Variants in IQSEC1 observed in about 807,000 individuals in gnomAD.
IQSEC1 encodes the protein IQ motif and Sec7 domain ArfGEF 1, also known as IQ motif and SEC7 domain-containing protein 1.
A neutral mutation model predicts 91.0 loss-of-function variants in IQSEC1; 31 were observed. That is an observed-to-expected ratio of 0.34 (90% CI 0.26 to 0.46). The LOEUF (loss-of-function observed/expected upper bound fraction) is 0.46, where lower values mean the gene tolerates loss of function less well. IQSEC1 is among the 20% of genes least tolerant of loss of function. IQSEC1 has a pLI of 1.00. For missense variants in IQSEC1, 1,388 were observed against 1,575.6 expected (o/e 0.88, Z 2.02); for synonymous variants, 699 against 662.6 (o/e 1.05, Z -0.84).
intron 1 of IQSEC1, among the ~76,000 whole-genome samples, chr3:12,943,546 G>T (rs906755748): frequency 2.6e-5 from 4 of 152,206 alleles, no homozygotes; most frequent in Non-Finnish European, 5.9e-5. Flanking sequence ...ACGGGCCGGG[G>T]TGGAGGTCCC....
At chr3:12,910,052 G>A (rs1695416839) in intron 10 of IQSEC1, among the ~76,000 whole-genome samples, 1 of 151,932 alleles carries the variant, frequency 6.6e-6, no homozygotes, top group Non-Finnish European at 1.5e-5. Flanking sequence ...GTGTGCATAT[G>A]TGTGCACATG....
chr3:13,244,045 C>A (rs1695067574), intron 1 of IQSEC1, among the ~76,000 whole-genome samples: 1 of 151,110 alleles, frequency 6.6e-6, no homozygotes, highest in Admixed American at 6.6e-5. Flanking sequence ...GCCAGGCCAC[C>A]ATTTCAGGCA....
rs975589692 is a variant in IQSEC1, at chr3:13,247,344, G to A, written c.272+35367C>T. Among the ~76,000 whole-genome samples the A allele has an allele frequency of 5.9e-5, 9 of 152,128 alleles. 1 individual carries two copies. The highest frequency in any genetic ancestry group is 1.7e-4 in the African/African-American group (7 of 41,410). On this transcript the variant is annotated intron_variant, in intron 1 of 15. Coordinates refer to the IQSEC1 transcript ENST00000648114. ...AACATGACAATCTGAAAGTCTGTCC[G>A]GCTGTCATTTCCTCCATTGCCCCCA...
intron 1 of IQSEC1, among the ~76,000 whole-genome samples, chr3:12,980,896 C>G (rs1393915724): frequency 2.0e-5 from 3 of 152,212 alleles, no homozygotes; most frequent in African/African-American, 7.2e-5. Flanking sequence ...CCATGGCTGT[C>G]TTAGCCGATC....
chr3:12,905,619 A>C (rs1272593044), intron 12 of IQSEC1, among the ~76,000 whole-genome samples: 1 of 152,228 alleles, frequency 6.6e-6, no homozygotes, highest in Non-Finnish European at 1.5e-5. Flanking sequence ...GCTGGGCCTG[A>C]CATGGTGGGG....
chr3:13,196,837 C>T (rs915932638), intron 1 of IQSEC1, among the ~76,000 whole-genome samples: 3 of 151,828 alleles, frequency 2.0e-5, no homozygotes, highest in African/African-American at 7.3e-5. Flanking sequence ...CAGAAAGAAG[C>T]AGCCGCAGGG....
chr3:13,123,752 T>C (rs1706463180), intron 2 of IQSEC1, among the ~76,000 whole-genome samples: 1 of 152,198 alleles, frequency 6.6e-6, no homozygotes, highest in Non-Finnish European at 1.5e-5. Flanking sequence ...AAAGGAAGGA[T>C]GGAAGCCTGG....
intron 2 of IQSEC1, among the ~76,000 whole-genome samples, chr3:13,162,061 A>G (rs578255425): frequency 3.3e-5 from 5 of 152,220 alleles, no homozygotes; most frequent in African/African-American, 1.2e-4. Flanking sequence ...TGGAGTGAAC[A>G]CCAGGCCGGG....
intron 1 of IQSEC1, among the ~76,000 whole-genome samples, chr3:13,281,345 G>A (rs1695785833): frequency 6.6e-6 from 1 of 152,112 alleles, no homozygotes; most frequent in Non-Finnish European, 1.5e-5. Context: ...GACAGGCAGT[G>A]GGCGGGGTCT....
At chr3:12,947,654 G>GCCCCAC (rs1288514455) in intron 1 of IQSEC1, among the ~76,000 whole-genome samples, 5 of 152,196 alleles carry the variant, frequency 3.3e-5, no homozygotes, top group Non-Finnish European at 7.3e-5. Context: ...TCCTGGATGG[G>GCCCCAC]CCCCTGGTGG....
At chr3:13,279,444 G>A (rs1695749175) in intron 1 of IQSEC1, among the ~76,000 whole-genome samples, 1 of 152,166 alleles carries the variant, frequency 6.6e-6, no homozygotes, top group African/African-American at 2.4e-5. Context: ...ATTTTTCAGG[G>A]GGTGTCAAGG....
intron 1 of IQSEC1, among the ~76,000 whole-genome samples, chr3:12,996,641 C>T (rs1241199261): frequency 6.6e-6 from 1 of 152,124 alleles, no homozygotes; most frequent in Non-Finnish European, 1.5e-5. Flanking sequence ...TGCTGCAGCA[C>T]ATATGACAGA....
In IQSEC1 at chr3:12,901,350, G is replaced by A; in HGVS notation, c.2978C>T (p.Pro993Leu). 1 of 1,531,442 alleles carries A rather than the reference G, an allele frequency of 6.5e-7. No homozygotes were observed. The highest frequency in any genetic ancestry group is 8.8e-7 in the Non-Finnish European group (1 of 1,137,054). The allele number at this position is 1,531,442 out of a possible 1,614,324, so 94.9% of individuals were successfully genotyped here. Reference sequence around the variant, plus strand: ...CAGGACCACCGGTGGGTGGGGGGGTGGCAGGGCTGGGGCTGAGGGCAGGTG... The same window carrying A: ...CAGGACCACCGGTGGGTGGGGGGGTAGCAGGGCTGGGGCTGAGGGCAGGTG... The part of the protein sequence containing the change: ...QAHLPSAPAL[P>L]PPHPPVVLPH... Residue 993 changes from proline to leucine, a missense_variant, in exon 14 of 14, where the codon CCA becomes CTA. By Grantham distance (98) the Pro-to-Leu change is moderately conservative (BLOSUM62 -3). This residue lies in a region of IQSEC1 where 329 missense variants were observed against 257.8 expected (regional missense o/e 1.28). Coordinates refer to ENST00000613206, the MANE Select transcript of IQSEC1 (RefSeq NM_001134382.3).
chr3:13,042,758 G>A (rs1204093647), intron 1 of IQSEC1, among the ~76,000 whole-genome samples: 2 of 152,130 alleles, frequency 1.3e-5, no homozygotes, highest in Non-Finnish European at 2.9e-5. Flanking sequence ...CTGCAAGTCT[G>A]TTCTTCCAAC....
chr3:12,986,631 C>T (rs796184703), intron 1 of IQSEC1, among the ~76,000 whole-genome samples: 64 of 152,306 alleles, frequency 4.2e-4, no homozygotes, highest in African/African-American at 1.4e-3. Context: ...CTGCGTCCTG[C>T]CAGGCCAGGC....
chr3:13,238,491 G>A (rs149637794), intron 1 of IQSEC1, among the ~76,000 whole-genome samples: 71 of 152,194 alleles, frequency 4.7e-4, no homozygotes, highest in African/African-American at 1.6e-3. Context: ...CTCTATCCCC[G>A]ACAGAACCTT....
chr3:13,157,092 A>G (rs778940954), intron 2 of IQSEC1, among the ~76,000 whole-genome samples: 247 of 152,350 alleles, frequency 1.6e-3, no homozygotes, highest in Non-Finnish European at 3.0e-3. Context: ...ACTGTCCCAA[A>G]CACTGGACCT....
Position 12,929,246 on chromosome 3 carries a change from C to T in IQSEC1, c.1569-4504G>A, listed in dbSNP as rs1484174240. On this transcript the variant is annotated intron_variant, in intron 3 of 13. Transcript: ENST00000613206. ...AGAATCCATGAGTTCGTACTCATAACGTACCATGCCTCAGGCCTCAGAAAC... is the reference window on the plus strand; with the variant it reads ...AGAATCCATGAGTTCGTACTCATAATGTACCATGCCTCAGGCCTCAGAAAC... Among the ~76,000 whole-genome samples the T allele has an allele frequency of 3.3e-5, 5 of 152,190 alleles. No individual in the cohort carries two copies. In the South Asian group the frequency reaches 8.3e-4, roughly 25 times the overall value.
intron 1 of IQSEC1, among the ~76,000 whole-genome samples, chr3:13,234,030 A>G (rs1576304382): frequency 6.6e-6 from 1 of 152,372 alleles, no homozygotes; most frequent in East Asian, 1.9e-4. Context: ...CGCGCTCTGC[A>G]TGCCACTTCC....
Sources: allele counts gnomAD v4.1 joint callset (sites outside exome capture counted in the v4.1 genomes callset), GRCh38; gene constraint gnomAD v4.1.1; regional missense constraint gnomAD v4.1.1; transcripts MANE v1.5; gene names NCBI Gene and HGNC (gene_info 2026-07-23, HGNC 2026-07-21).